The following RYK variants were observed in gnomAD, a reference collection of about 807,000 sequenced individuals.
RYK encodes the protein inactive tyrosine-protein kinase RYK.
In RYK, 21 loss-of-function variants were observed where a neutral mutation model predicts 70.2. The observed-to-expected ratio is 0.30, with a 90% CI of 0.21 to 0.43. The LOEUF is 0.43. RYK is among the 20% of genes least tolerant of loss of function. RYK has a pLI of 1.00. For missense variants in RYK, 604 were observed against 753.3 expected (o/e 0.80, Z 2.32); for synonymous variants, 267 against 278.0 (o/e 0.96, Z 0.39).
At chr3:134,230,180 A>C (rs553497403) in intron 1 of RYK, among the ~76,000 whole-genome samples, 8 of 152,264 alleles carry the variant, frequency 5.3e-5, no homozygotes, top group African/African-American at 1.7e-4. Flanking sequence ...TCTGCCTCCC[A>C]GGTACAAGCG....
chr3:134,201,065 T>C (rs4682664), intron 6 of RYK, among the ~76,000 whole-genome samples: 21,942 of 152,184 alleles, frequency 0.14, 1,942 homozygotes, highest in East Asian at 0.47. Flanking sequence ...CAAGACTGAC[T>C]TCCAAATGTC....
chr3:134,232,236 A>G (rs920796739), intron 1 of RYK, among the ~76,000 whole-genome samples: 4 of 152,056 alleles, frequency 2.6e-5, no homozygotes, highest in African/African-American at 9.7e-5. Context: ...AACCTCAATT[A>G]CTTCAATTAC....
intron 1 of RYK, among the ~76,000 whole-genome samples, chr3:134,225,386 T>C (rs1013989119): frequency 7.9e-5 from 12 of 151,862 alleles, no homozygotes; most frequent in African/African-American, 2.9e-4. Context: ...ACTAAATGTA[T>C]TAATATAAAA....
chr3:134,175,257 C>T (rs2013056534), intron 13 of RYK, among the ~76,000 whole-genome samples: 2 of 151,812 alleles, frequency 1.3e-5, no homozygotes, highest in African/African-American at 2.4e-5. Flanking sequence ...GCCTGAGAAT[C>T]GCTTGAACCT....
At chr3:134,193,693 G>A (rs569191546) in intron 7 of RYK, among the ~76,000 whole-genome samples, 4 of 152,172 alleles carry the variant, frequency 2.6e-5, no homozygotes, top group Admixed American at 2.0e-4. Flanking sequence ...TCATTAGTGG[G>A]AAGAGTAGCT....
At chr3:134,160,414 T>C (rs1196585756) in intron 13 of RYK, among the ~76,000 whole-genome samples, 1 of 151,868 alleles carries the variant, frequency 6.6e-6, no homozygotes, top group African/African-American at 2.4e-5. Context: ...AATCTAAACA[T>C]GTTGCATTAA....
At chr3:134,223,093 G>A (rs1005723136) in intron 1 of RYK, among the ~76,000 whole-genome samples, 2 of 152,192 alleles carry the variant, frequency 1.3e-5, no homozygotes, top group African/African-American at 2.4e-5. Context: ...GGCACATGCT[G>A]TCTTCCCTAC....
intron 1 of RYK, among the ~76,000 whole-genome samples, chr3:134,238,608 C>A (rs1220888928): frequency 2.0e-5 from 3 of 152,184 alleles, no homozygotes; most frequent in African/African-American, 7.2e-5. Context: ...CAGGAATCTG[C>A]AGGCACTAAC....
At chr3:134,167,967 A>G (rs560988554) in intron 13 of RYK, among the ~76,000 whole-genome samples, 1 of 152,380 alleles carries the variant, frequency 6.6e-6, no homozygotes, top group East Asian at 1.9e-4. Context: ...AAAGGATATG[A>G]ACAGATACTT....
intron 4 of RYK, among the ~76,000 whole-genome samples, chr3:134,209,338 T>A (rs1159531423): frequency 6.6e-6 from 1 of 152,194 alleles, no homozygotes; most frequent in Non-Finnish European, 1.5e-5. Flanking sequence ...CCGAGAGCAA[T>A]GCTTCTGCAT....
At chr3:134,169,353 T>C (rs1174428027) in intron 13 of RYK, among the ~76,000 whole-genome samples, 1 of 152,096 alleles carries the variant, frequency 6.6e-6, no homozygotes, top group Admixed American at 6.6e-5. Flanking sequence ...AGCTAAGTAA[T>C]TCAAAGAAGA....
intron 1 of RYK, among the ~76,000 whole-genome samples, chr3:134,229,881 A>C (rs2015011277): frequency 6.6e-6 from 1 of 152,230 alleles, no homozygotes; most frequent in Non-Finnish European, 1.5e-5. Flanking sequence ...CAAGAGAATA[A>C]CATTGAACGT....
intron 1 of RYK, among the ~76,000 whole-genome samples, chr3:134,244,653 G>A (rs1186412816): frequency 6.6e-6 from 1 of 152,168 alleles, no homozygotes. Context: ...AAAAGCTTCT[G>A]AAGCTTTCGG....
At chr3:134,216,321 C>T (rs1221724444) in intron 2 of RYK, among the ~76,000 whole-genome samples, 2 of 152,134 alleles carry the variant, frequency 1.3e-5, no homozygotes, top group Non-Finnish European at 2.9e-5. Flanking sequence ...AAACCTCACT[C>T]TGCAAAGGAC....
intron 10 of RYK, chr3:134,181,058 T>C (rs1453900606): frequency 6.6e-6 from 1 of 152,206 alleles, no homozygotes; most frequent in Non-Finnish European, 1.5e-5. Context: ...AAGGCTACAG[T>C]GAATATAAAA....
intron 9 of RYK, among the ~76,000 whole-genome samples, chr3:134,186,583 C>T (rs975079031): frequency 5.9e-5 from 9 of 152,170 alleles, no homozygotes; most frequent in African/African-American, 1.9e-4. Context: ...ACTGTGCTTT[C>T]TCTTATTTCC....
At chr3:134,244,978 G>A (rs1205151478) in intron 1 of RYK, among the ~76,000 whole-genome samples, 1 of 151,298 alleles carries the variant, frequency 6.6e-6, no homozygotes, top group Admixed American at 6.6e-5. Context: ...ACCAGGAAGA[G>A]GGCTCTCAGC....
chr3:134,191,748 T>C, intron 8 of RYK, 101 bp downstream of exon 8: 3 of 918,608 alleles, frequency 3.3e-6, no homozygotes, highest in Non-Finnish European at 4.8e-6. Flanking sequence ...ATCCTTATCT[T>C]AGACACAAAA....
rs2014392605 is a variant in RYK at position 134,211,543 on chromosome 3, A to G, written c.419T>C (p.Ile140Thr). The G allele has an allele frequency of 6.2e-7, 1 of 1,613,624 alleles. No individual in the cohort carries two copies. The highest frequency in any genetic ancestry group is 1.3e-5 in the African/African-American group (1 of 74,930). Residue 140 changes from isoleucine to threonine, a missense_variant, in exon 3 of 15, where the codon ATT (isoleucine) becomes ACT (threonine). Around this residue, in one of 2 missense-constraint regions of RYK, gnomAD observed 466 missense variants for 535.9 expected, o/e 0.87. Coordinates refer to ENST00000623711, the MANE Select transcript of RYK (RefSeq NM_002958.4). ...GCGTGGAACTTCCCCCTGAACAGAAATGTTGACCTGGGGCATATCCATTGC... is the reference window on the plus strand; with the variant it reads ...GCGTGGAACTTCCCCCTGAACAGAAGTGTTGACCTGGGGCATATCCATTGC... The part of the protein sequence containing the change: ...VLAMDMPQVN[I>T]SVQGEVPRTL...
Sources: gnomAD v4.1 joint callset for allele counts (sites outside exome capture counted in the v4.1 genomes callset) on GRCh38, gnomAD v4.1.1 for gene constraint, gnomAD v4.1.1 regional missense constraint, MANE v1.5 for transcripts, NCBI Gene and HGNC (gene_info 2026-07-23, HGNC 2026-07-21) for gene names.